Variants in SMARCC1 observed in about 807,000 individuals in gnomAD.
The protein encoded by SMARCC1 is SWI/SNF complex subunit SMARCC1.
In SMARCC1, 43 loss-of-function variants were observed where a neutral mutation model predicts 147.4. That is an observed-to-expected ratio of 0.29 (90% CI 0.23 to 0.38). The LOEUF (loss-of-function observed/expected upper bound fraction) is 0.38. Among genes scored for constraint, SMARCC1 ranks in the 10% least tolerant of loss-of-function variants. The probability of loss-of-function intolerance (pLI) is 1.00; values close to 1 mark genes in which losing one functional copy is unlikely to be tolerated. For synonymous variants in SMARCC1, 495 were observed against 484.4 expected (o/e 1.02, Z -0.29); for missense variants, 1,119 against 1,381.1 (o/e 0.81, Z 3.01).
intron 21 of SMARCC1, among the ~76,000 whole-genome samples, chr3:47,655,371 C>T (rs1364397244): frequency 4.0e-5 from 6 of 151,870 alleles, no homozygotes; most frequent in African/African-American, 1.5e-4. Context: ...CGTACTCCAG[C>T]CTGGGTGACA....
At chr3:47,747,135 A>T (rs2034572874) in intron 2 of SMARCC1, among the ~76,000 whole-genome samples, 2 of 152,008 alleles carry the variant, frequency 1.3e-5, no homozygotes, top group South Asian at 4.1e-4. Flanking sequence ...ACCTCTACAA[A>T]AAATTTAAAA....
At chr3:47,647,839 G>A (rs2033138190) in intron 21 of SMARCC1, among the ~76,000 whole-genome samples, 2 of 152,164 alleles carry the variant, frequency 1.3e-5, no homozygotes, top group African/African-American at 2.4e-5. Context: ...ACCTTTGTAG[G>A]CTATTCTTTC....
intron 3 of SMARCC1, among the ~76,000 whole-genome samples, chr3:47,740,501 C>T (rs546863843): frequency 1.3e-5 from 2 of 151,290 alleles, no homozygotes; most frequent in South Asian, 2.1e-4. Flanking sequence ...GGCCCACACC[C>T]GGCTAATTTT....
chr3:47,666,485 TAA>T (rs997340384), intron 19 of SMARCC1, among the ~76,000 whole-genome samples: 1 of 150,690 alleles, frequency 6.6e-6, no homozygotes, highest in Admixed American at 6.6e-5. Flanking sequence ...CAATACCTAA[TAA>T]AGTTTACTGA....
intron 14 of SMARCC1, among the ~76,000 whole-genome samples, chr3:47,684,524 T>C (rs923884834): frequency 6.6e-6 from 1 of 151,274 alleles, no homozygotes. Flanking sequence ...CAATGCAACC[T>C]CTGCCTCCTG....
At chr3:47,712,339 TTAAC>T (rs2034095279) in intron 8 of SMARCC1, among the ~76,000 whole-genome samples, 1 of 152,106 alleles carries the variant, frequency 6.6e-6, no homozygotes, top group African/African-American at 2.4e-5. Context: ...AAAGGGTTAA[TTAAC>T]TGATAGTTTA....
At chr3:47,685,545 T>C (rs1363297603) in intron 14 of SMARCC1, among the ~76,000 whole-genome samples, 1 of 151,290 alleles carries the variant, frequency 6.6e-6, no homozygotes, top group Non-Finnish European at 1.5e-5. Context: ...AATCCCTGAA[T>C]TGTTTTTCTT....
chr3:47,678,769 C>T (rs1189689452), intron 15 of SMARCC1, among the ~76,000 whole-genome samples: 1 of 152,194 alleles, frequency 6.6e-6, no homozygotes, highest in African/African-American at 2.4e-5. Flanking sequence ...GAAACAAACA[C>T]TGAGTTGTTA....
At chr3:47,617,824 T>A (rs1207395148) in intron 25 of SMARCC1, among the ~76,000 whole-genome samples, 1 of 152,178 alleles carries the variant, frequency 6.6e-6, no homozygotes, top group Non-Finnish European at 1.5e-5. Context: ...CACTGAAAAC[T>A]ATTCACCTAA....
At chr3:47,733,312 T>C (rs1390111336) in intron 5 of SMARCC1, among the ~76,000 whole-genome samples, 1 of 152,138 alleles carries the variant, frequency 6.6e-6, no homozygotes, top group Non-Finnish European at 1.5e-5. Context: ...GTTCTGCGGC[T>C]CACGCCTGCA....
intron 16 of SMARCC1, 69 bp from the exon 17 acceptor site, chr3:47,676,851 T>C: frequency 2.2e-6 from 3 of 1,370,574 alleles, no homozygotes; most frequent in Non-Finnish European, 3.1e-6. Context: ...ATCATCATCA[T>C]GCCATTAAAA....
At chr3:47,740,385 C>T (rs755973233) in intron 3 of SMARCC1, among the ~76,000 whole-genome samples, 12 of 151,356 alleles carry the variant, frequency 7.9e-5, no homozygotes, top group South Asian at 2.1e-4. Flanking sequence ...TTAGTAGAGA[C>T]GGGGTTTCAT....
intron 3 of SMARCC1, 43 bp from the exon 4 acceptor site, chr3:47,738,153 A>G (rs761579844): frequency 2.6e-5 from 35 of 1,352,988 alleles, no homozygotes; most frequent in Non-Finnish European, 2.4e-5. Flanking sequence ...CTCCCAGCTT[A>G]AACACAAATG....
intron 12 of SMARCC1, among the ~76,000 whole-genome samples, chr3:47,692,312 T>C (rs1371147738): frequency 6.6e-6 from 1 of 152,210 alleles, no homozygotes; most frequent in African/African-American, 2.4e-5. Context: ...TATACCTTAC[T>C]TGTGAAAATG....
intron 14 of SMARCC1, among the ~76,000 whole-genome samples, chr3:47,685,551 T>C (rs1333639690): frequency 1.3e-5 from 2 of 151,636 alleles, no homozygotes; most frequent in Non-Finnish European, 2.9e-5. Context: ...TGAATTGTTT[T>C]TCTTTAAAAA....
intron 1 of SMARCC1, among the ~76,000 whole-genome samples, chr3:47,774,449 G>A (rs905478637): frequency 1.5e-4 from 23 of 151,718 alleles, no homozygotes; most frequent in Non-Finnish European, 2.9e-5. Flanking sequence ...TTGGAGTCTC[G>A]CTCTGTCACC....
At chr3:47,706,363 C>T (rs752783941) in intron 10 of SMARCC1, 46 bp downstream of exon 10, 9 of 1,458,772 alleles carry the variant, frequency 6.2e-6, no homozygotes, top group Admixed American at 5.3e-5. Context: ...TAAGCCACCA[C>T]GTCCGGCCTG....
At chr3:47,634,649 C>T (rs1224802298) in intron 24 of SMARCC1, among the ~76,000 whole-genome samples, 1 of 152,124 alleles carries the variant, frequency 6.6e-6, no homozygotes, top group Non-Finnish European at 1.5e-5. Flanking sequence ...AGGAAAGTAA[C>T]ATTCTCATGT....
intron 25 of SMARCC1, among the ~76,000 whole-genome samples, chr3:47,614,834 C>T (rs2032614797): frequency 6.6e-6 from 1 of 152,254 alleles, no homozygotes; most frequent in African/African-American, 2.4e-5. Flanking sequence ...AATTATTTCA[C>T]ATTTCAGAGT....
Sources: allele counts gnomAD v4.1 joint callset (sites outside exome capture counted in the v4.1 genomes callset), GRCh38; gene constraint gnomAD v4.1.1; transcripts MANE v1.5; gene names NCBI Gene and HGNC (gene_info 2026-07-23, HGNC 2026-07-21).